Variants in OSBPL11 observed in about 807,000 individuals in gnomAD.
OSBPL11 encodes the protein oxysterol-binding protein-related protein 11.
A neutral mutation model predicts 84.4 loss-of-function variants in OSBPL11; 33 were observed. The observed-to-expected ratio is 0.39, with a 90% CI of 0.30 to 0.52. OSBPL11 has a LOEUF of 0.52. OSBPL11 is among the 20% of genes least tolerant of loss of function. The probability of loss-of-function intolerance (pLI) is 0.72; values close to 1 mark genes in which losing one functional copy is unlikely to be tolerated. For synonymous variants in OSBPL11, 276 were observed against 310.2 expected, an observed-to-expected ratio of 0.89 and a Z score of 1.16; for missense variants, 736 against 901.1, an observed-to-expected ratio of 0.82 and a Z score of 2.35.
chr3:125,563,774 G>A lies in OSBPL11; in HGVS notation c.938C>T (p.Pro313Leu). 1 of 1,614,146 alleles carries A rather than the reference G, an allele frequency of 6.2e-7. No homozygotes were observed. Among genetic ancestry groups the A allele is most frequent in the Non-Finnish European group, 8.5e-7 (1 of 1,180,010 alleles). The change falls in exon 7 of 13, where the codon CCC (proline) becomes CTC (leucine). Residue 313 changes from proline (P) to leucine (L), a missense_variant. Transcript: ENST00000296220. ...SNHYKNGADQ[P>L]FATDQSKPVA... ...CGGCTTACTCTGATCAGTTGCAAAGGGCTGGTCAGCTCCATTTTTATAGTG... is the reference window on the plus strand; with the variant it reads ...CGGCTTACTCTGATCAGTTGCAAAGAGCTGGTCAGCTCCATTTTTATAGTG...
chr3:125,585,469 T>C (rs1005321657), intron 1 of OSBPL11, among the ~76,000 whole-genome samples: 11 of 152,036 alleles, frequency 7.2e-5, no homozygotes, highest in African/African-American at 2.7e-4. Flanking sequence ...ATCATAGTAA[T>C]GTTCTGTTTA....
At chr3:125,586,576 A>C (rs1936514544) in intron 1 of OSBPL11, among the ~76,000 whole-genome samples, 1 of 150,996 alleles carries the variant, frequency 6.6e-6, no homozygotes, top group Non-Finnish European at 1.5e-5. Context: ...GCAGTGGTGC[A>C]ATCTTGGCTC....
intron 12 of OSBPL11, among the ~76,000 whole-genome samples, chr3:125,531,455 C>G (rs1370368287): frequency 6.6e-6 from 1 of 151,738 alleles, no homozygotes; most frequent in Non-Finnish European, 1.5e-5. Context: ...CCACACCTGG[C>G]TAATGTTGTA....
At chr3:125,539,498 G>A (rs1474523654) in intron 10 of OSBPL11, among the ~76,000 whole-genome samples, 1 of 151,808 alleles carries the variant, frequency 6.6e-6, no homozygotes, top group African/African-American at 2.4e-5. Context: ...CTGGAGTGCA[G>A]TGGTGTGATC....
chr3:125,563,770 A>G lies in OSBPL11; in HGVS notation c.942T>C (p.Phe314=). ...CCACCGGCTTACTCTGATCAGTTGC[A>G]AAGGGCTGGTCAGCTCCATTTTTAT... ...NHYKNGADQP[F]ATDQSKPVAV... Residue 314 remains phenylalanine (F), a synonymous_variant, in exon 7 of 13, where the codon TTT becomes TTC. Transcript: ENST00000296220. 6.2e-7 allele frequency: 1 copy of G among 1,614,218 alleles called. No individual in the cohort carries two copies. The highest frequency in any genetic ancestry group is 2.2e-5 in the East Asian group (1 of 44,888).
At chr3:125,551,702 TG>T (rs1384440978) in intron 9 of OSBPL11, among the ~76,000 whole-genome samples, 1 of 151,902 alleles carries the variant, frequency 6.6e-6, no homozygotes, top group African/African-American at 2.4e-5. Flanking sequence ...CGCTTGAACC[TG>T]GGAGGCGGAG....
intron 10 of OSBPL11, among the ~76,000 whole-genome samples, chr3:125,543,083 C>T (rs1365225694): frequency 6.6e-6 from 1 of 150,432 alleles, no homozygotes; most frequent in Non-Finnish European, 1.5e-5. Context: ...TCAATTTTCT[C>T]ATCTATAAAA....
chr3:125,583,085 G>T, intron 1 of OSBPL11, 107 bp from the exon 2 acceptor site: 1 of 690,170 alleles, frequency 1.4e-6, no homozygotes, highest in Non-Finnish European at 2.4e-6. Context: ...CTCTATAAAT[G>T]CCTCAAATTT....
At chr3:125,543,124 A>ATTTTTTTTTTTTTTTTTTTTTTTTTT (rs60571172) in intron 10 of OSBPL11, among the ~76,000 whole-genome samples, 1 of 99,288 alleles carries the variant, frequency 1.0e-5, no homozygotes, top group Non-Finnish European at 1.9e-5. Context: ...GGCTAGTAAG[A>ATTTTTTTTTTTTTTTTTTTTTTTTTT]TTTTTTTTTT....
intron 1 of OSBPL11, among the ~76,000 whole-genome samples, chr3:125,593,350 T>C (rs1936629829): frequency 6.6e-6 from 1 of 152,152 alleles, no homozygotes; most frequent in Non-Finnish European, 1.5e-5. Flanking sequence ...CCAGGCGCGG[T>C]GGCTCAAGCC....
chr3:125,535,233 CAT>C (rs1935623602), intron 11 of OSBPL11, among the ~76,000 whole-genome samples: 2 of 151,784 alleles, frequency 1.3e-5, no homozygotes, highest in Non-Finnish European at 2.9e-5. Flanking sequence ...AAATTTGACA[CAT>C]TAGCTGAAAT....
At chr3:125,566,327 A>G (rs897875645) in intron 6 of OSBPL11, among the ~76,000 whole-genome samples, 1 of 152,042 alleles carries the variant, frequency 6.6e-6, no homozygotes, top group Non-Finnish European at 1.5e-5. Context: ...TTTTATACTT[A>G]TTATTTACAT....
At chr3:125,541,122 A>G (rs901292256) in intron 10 of OSBPL11, among the ~76,000 whole-genome samples, 33 of 152,224 alleles carry the variant, frequency 2.2e-4, no homozygotes, top group African/African-American at 8.0e-4. Flanking sequence ...TTTAATTTAC[A>G]AAAACAGGTG....
chr3:125,588,643 G>C (rs1055690549), intron 1 of OSBPL11, among the ~76,000 whole-genome samples: 1 of 152,226 alleles, frequency 6.6e-6, no homozygotes, highest in African/African-American at 2.4e-5. Flanking sequence ...AAAAGGCTTA[G>C]CACTTTGGTC....
In OSBPL11 at chr3:125,578,758, G is replaced by A. The variant is rs111677795; in HGVS notation, c.489+202C>T. Among the ~76,000 whole-genome samples the A allele has an allele frequency of 8.7e-3, 1,311 of 150,894 alleles. 17 individuals are homozygous for A. The highest frequency in any genetic ancestry group is 0.03 in the African/African-American group (1,227 of 41,182). ...TGCACTCTAGCCTGGGCCACAGAGA[G>A]AGACTCCGTCTCAAAAAAAAAAAGA... On this transcript the variant is annotated intron_variant, in intron 4 of 12. Coordinates refer to ENST00000296220, the MANE Select transcript of OSBPL11 (RefSeq NM_022776.5).
intron 6 of OSBPL11, among the ~76,000 whole-genome samples, chr3:125,565,949 CCAGT>C (rs1187026516): frequency 6.6e-6 from 1 of 152,036 alleles, no homozygotes; most frequent in Non-Finnish European, 1.5e-5. Flanking sequence ...ACTCTTTCTA[CCAGT>C]CATTCAGCTA....
rs1294811916 is a variant in OSBPL11, at chr3:125,547,401, C to T, written c.1841+5G>A. 6.2e-7 allele frequency: 1 copy of T among 1,609,646 alleles called. No homozygotes were observed. The highest frequency in any genetic ancestry group is 1.7e-5 in the Admixed American group (1 of 59,302). ...AGAACTAGATAATCATTAAAATGTT[C>T]TTACCGATGCAGTTTGCCACCATAA... On this transcript the variant is annotated splice_donor_5th_base_variant and intron_variant, in intron 10 of 12. Coordinates refer to ENST00000296220, the MANE Select transcript of OSBPL11 (RefSeq NM_022776.5).
chr3:125,550,362 T>C (rs1935882226), intron 9 of OSBPL11, among the ~76,000 whole-genome samples: 1 of 135,788 alleles, frequency 7.4e-6, no homozygotes, highest in Non-Finnish European at 1.5e-5. Flanking sequence ...GCGACACAGC[T>C]AGACCGTGTC....
At chr3:125,531,781 T>C (rs749112763) in intron 12 of OSBPL11, 80 bp downstream of exon 12, 19 of 1,336,992 alleles carry the variant, frequency 1.4e-5, no homozygotes, top group Non-Finnish European at 1.8e-5. Flanking sequence ...GTATAAGTGA[T>C]AGCAATTCAA....
Sources: allele counts gnomAD v4.1 joint callset (sites outside exome capture counted in the v4.1 genomes callset), GRCh38; gene constraint gnomAD v4.1.1; transcripts MANE v1.5; gene names NCBI Gene and HGNC (gene_info 2026-07-23, HGNC 2026-07-21).